Variants in SUGCT observed in about 807,000 individuals in gnomAD.
SUGCT encodes succinyl-CoA:glutarate-CoA transferase, also known as succinyl-CoA:glutarate CoA-transferase.
Under a neutral mutation model 55.0 loss-of-function variants are expected in SUGCT, and 41 were observed. The ratio of observed to expected loss-of-function variants is 0.74; its 90% CI spans 0.58 to 0.97. SUGCT has a LOEUF of 0.97. Among genes scored for constraint, SUGCT ranks in the 50% least tolerant of loss-of-function variants. The probability of loss-of-function intolerance (pLI) is 0.00; values close to 1 mark genes in which losing one functional copy is unlikely to be tolerated. For missense variants in SUGCT, 568 were observed against 547.8 expected (o/e 1.04, Z -0.37); for synonymous variants, 187 against 200.4 (o/e 0.93, Z 0.56).
intron 9 of SUGCT, among the ~76,000 whole-genome samples, chr7:40,330,662 T>A (rs550122105): frequency 6.8e-6 from 1 of 146,136 alleles, no homozygotes; most frequent in African/African-American, 2.5e-5. Flanking sequence ...TTTGTGAGTG[T>A]GTGTATTTCC....
intron 13 of SUGCT, chr7:40,775,701 A>C (rs1382495029): frequency 6.6e-6 from 1 of 152,176 alleles, no homozygotes; most frequent in Non-Finnish European, 1.5e-5. Flanking sequence ...CTCTGGATTT[A>C]AGTGTAAGGT....
At chr7:40,169,501 A>G (rs1784571666) in intron 1 of SUGCT, among the ~76,000 whole-genome samples, 1 of 152,182 alleles carries the variant, frequency 6.6e-6, no homozygotes, top group Non-Finnish European at 1.5e-5. Context: ...CTGCTGGATC[A>G]TCTGGTTAGT....
chr7:40,762,731 T>C (rs1422405814), intron 13 of SUGCT, among the ~76,000 whole-genome samples: 1 of 152,186 alleles, frequency 6.6e-6, no homozygotes, highest in Non-Finnish European at 1.5e-5. Flanking sequence ...ATAATTCAGG[T>C]TGCCTGAAGC....
the SUGCT span, among the ~76,000 whole-genome samples, chr7:40,896,219 TAAG>T: frequency 6.6e-6 from 1 of 151,602 alleles, no homozygotes. Flanking sequence ...TGAAAAAAAA[TAAG>T]AAAACAATCC....
chr7:40,667,906 C>G (rs1471533280), intron 12 of SUGCT, among the ~76,000 whole-genome samples: 7 of 151,786 alleles, frequency 4.6e-5, no homozygotes, highest in Middle Eastern at 3.2e-3. Context: ...TTTAGTCAAC[C>G]CTTTGTATGG....
chr7:40,388,754 G>A (rs117747256), intron 9 of SUGCT, among the ~76,000 whole-genome samples: 1,707 of 152,238 alleles, frequency 0.011, 13 homozygotes, highest in South Asian at 0.027. Flanking sequence ...AGATGTTCCT[G>A]TGAACTTAAT....
At chr7:40,501,665 A>G (rs1792287879) in intron 12 of SUGCT, among the ~76,000 whole-genome samples, 1 of 152,034 alleles carries the variant, frequency 6.6e-6, no homozygotes, top group Non-Finnish European at 1.5e-5. Flanking sequence ...GTAAATCATC[A>G]TTGACATCCA....
chr7:41,000,811 G>T, the SUGCT span, among the ~76,000 whole-genome samples: 1 of 152,150 alleles, frequency 6.6e-6, no homozygotes, highest in Non-Finnish European at 1.5e-5. Context: ...GGGAAAATGT[G>T]CATATGGAGA....
chr7:40,444,615 G>T (rs1188772631), intron 9 of SUGCT, among the ~76,000 whole-genome samples: 2 of 152,164 alleles, frequency 1.3e-5, no homozygotes, highest in Non-Finnish European at 2.9e-5. Flanking sequence ...AGCTTAAGGA[G>T]ATTTTGGGCT....
chr7:40,308,429 A>G (rs1316566070), intron 8 of SUGCT, among the ~76,000 whole-genome samples: 1 of 152,030 alleles, frequency 6.6e-6, no homozygotes, highest in Non-Finnish European at 1.5e-5. Context: ...TTGCAATGTG[A>G]CTTTATTTGC....
intron 9 of SUGCT, among the ~76,000 whole-genome samples, chr7:40,320,895 TG>T (rs1197529448): frequency 2.6e-5 from 4 of 152,128 alleles, no homozygotes; most frequent in African/African-American, 9.7e-5. Flanking sequence ...ACCCAAATAG[TG>T]TATGTCGTAT....
the SUGCT span, among the ~76,000 whole-genome samples, chr7:40,913,805 G>A: frequency 9.2e-5 from 14 of 152,252 alleles, no homozygotes; most frequent in Non-Finnish European, 1.9e-4. Context: ...TCCTCTCATG[G>A]TGATTACCAA....
chr7:40,613,938 C>T lies in SUGCT; in HGVS notation c.1089+117552C>T, dbSNP rs970368989. On this transcript the variant is annotated intron_variant, in intron 12 of 13. Transcript: ENST00000335693. ...CAGTATTTCTAACTACATAGTAGTG[C>T]ATACTATGGGTTACAGTTTGAATTT... Among the ~76,000 whole-genome samples the T allele has an allele frequency of 5.9e-5, 9 of 152,260 alleles. No homozygotes were observed. In the South Asian group the frequency reaches 1.9e-3, roughly 32 times the overall value.
intron 12 of SUGCT, among the ~76,000 whole-genome samples, chr7:40,695,903 C>T (rs1187065672): frequency 6.6e-6 from 1 of 152,084 alleles, no homozygotes; most frequent in Non-Finnish European, 1.5e-5. Flanking sequence ...GAGTTAAGAA[C>T]CATTATGTTA....
intron 12 of SUGCT, among the ~76,000 whole-genome samples, chr7:40,588,407 T>C (rs1463157201): frequency 6.6e-6 from 1 of 152,064 alleles, no homozygotes; most frequent in African/African-American, 2.4e-5. Context: ...TATAGATTAG[T>C]ATAATTTTTA....
the SUGCT span, among the ~76,000 whole-genome samples, chr7:40,957,752 T>C: frequency 1.3e-5 from 2 of 152,324 alleles, no homozygotes; most frequent in Admixed American, 6.5e-5. Flanking sequence ...AGTTTCTTCA[T>C]AGTTTCGGTG....
intron 9 of SUGCT, among the ~76,000 whole-genome samples, chr7:40,390,070 G>A (rs905426644): frequency 1.3e-5 from 2 of 151,910 alleles, no homozygotes; most frequent in Non-Finnish European, 2.9e-5. Context: ...AAAGGCCTTC[G>A]ACAAAATTCA....
In SUGCT at chr7:40,823,577, A is replaced by G. The variant is rs543785407; in HGVS notation, c.1154-36739A>G. Among the ~76,000 whole-genome samples the G allele has an allele frequency of 3.3e-5, 5 of 152,262 alleles. No individual in the cohort carries two copies. In the South Asian group the frequency reaches 1.0e-3, roughly 32 times the overall value. On this transcript the variant is annotated intron_variant, in intron 13 of 13. Coordinates refer to ENST00000335693, the MANE Select transcript of SUGCT (RefSeq NM_001193313.2). The stretch of plus-strand genomic sequence containing the variant: ...ACCTAACTCTACTACACTGCTTATT[A>G]TAAACAGTAGTTGGAAGGGGTAGAT...
chr7:40,409,329 T>C (rs188005784), intron 9 of SUGCT, among the ~76,000 whole-genome samples: 1 of 151,578 alleles, frequency 6.6e-6, no homozygotes, highest in Admixed American at 6.6e-5. Flanking sequence ...AATGGTGCGA[T>C]CATGGCTCAC....
Sources: gnomAD v4.1 joint callset for allele counts (sites outside exome capture counted in the v4.1 genomes callset) on GRCh38, gnomAD v4.1.1 for gene constraint, MANE v1.5 for transcripts, NCBI Gene and HGNC (gene_info 2026-07-23, HGNC 2026-07-21) for gene names.